Variants in CACNA1C observed in about 807,000 individuals in gnomAD.
The protein encoded by CACNA1C is calcium voltage-gated channel subunit alpha1 C.
CACNA1C carries 30 observed loss-of-function variants against 229.0 expected under a neutral mutation model. The observed-to-expected ratio is 0.13, with a 90% confidence interval of 0.10 to 0.18. The LOEUF is 0.18. CACNA1C is among the 10% of genes least tolerant of loss of function. The pLI, the probability that CACNA1C is intolerant of heterozygous loss-of-function variation, is 1.00. For missense variants in CACNA1C, 1,658 were observed against 2,845.0 expected (o/e 0.58, Z 9.49); for synonymous variants, 1,114 against 1,132.5 (o/e 0.98, Z 0.33).
intron 3 of CACNA1C, among the ~76,000 whole-genome samples, chr12:2,423,965 A>G (rs2099003652): frequency 6.6e-6 from 1 of 152,060 alleles, no homozygotes; most frequent in South Asian, 2.1e-4. Flanking sequence ...GGCTGAATGG[A>G]CAAGCTCGTG....
intron 3 of CACNA1C, among the ~76,000 whole-genome samples, chr12:2,419,410 C>T (rs1376140805): frequency 2.6e-5 from 4 of 152,162 alleles, no homozygotes; most frequent in African/African-American, 4.8e-5. Context: ...ATGAGGGATC[C>T]ACCGCCACGG....
At chr12:2,353,162 G>A (rs1366004001) in intron 3 of CACNA1C, among the ~76,000 whole-genome samples, 1 of 152,190 alleles carries the variant, frequency 6.6e-6, no homozygotes, top group Non-Finnish European at 1.5e-5. Flanking sequence ...ACTCTGGTTG[G>A]GATGCTGGGG....
chr12:2,359,282 G>A (rs1404674305), intron 3 of CACNA1C, among the ~76,000 whole-genome samples: 3 of 152,172 alleles, frequency 2.0e-5, no homozygotes, highest in Non-Finnish European at 4.4e-5. Context: ...TGAATGGAGG[G>A]AAAGCTAAGC....
At chr12:2,545,924 G>A (rs527385460) in intron 9 of CACNA1C, among the ~76,000 whole-genome samples, 16 of 152,370 alleles carry the variant, frequency 1.1e-4, no homozygotes, top group Admixed American at 3.9e-4. Flanking sequence ...ATAACTTCCC[G>A]TTCCCCATGC....
intron 3 of CACNA1C, among the ~76,000 whole-genome samples, chr12:2,206,557 C>T (rs2154331425): frequency 6.6e-6 from 1 of 152,344 alleles, no homozygotes; most frequent in East Asian, 1.9e-4. Flanking sequence ...TTTGAGTTGT[C>T]ATGAATATTC....
intron 43 of CACNA1C, 96 bp downstream of exon 43, chr12:2,682,774 T>C: frequency 8.3e-7 from 1 of 1,205,558 alleles, no homozygotes; most frequent in Non-Finnish European, 1.1e-6. Flanking sequence ...CTGGGGCTGA[T>C]TGCAGGAGGA....
At chr12:2,116,393 A>AC (rs1263206295) in intron 2 of CACNA1C, among the ~76,000 whole-genome samples, 1 of 144,252 alleles carries the variant, frequency 6.9e-6, no homozygotes, top group African/African-American at 2.6e-5. Flanking sequence ...TTTTTTTGAG[A>AC]CGGAGTCTCG....
rs2093938319 is a variant in CACNA1C at position 2,295,345 on chromosome 12, A to G, written c.478-153631A>G. ...ATGCCCCTCCCTCTTTTGTCTTTCA[A>G]GGTTTCATTCAAACCAAACTTCCTT... On this transcript the variant is annotated intron_variant, in intron 3 of 46. Transcript: ENST00000399655. 2.0e-5 allele frequency among the ~76,000 whole-genome samples: 3 copies of G among 152,128 alleles called. No homozygotes were observed. In the South Asian group the frequency reaches 6.2e-4, roughly 32 times the overall value.
At chr12:2,510,001 A>T (rs2099780083) in intron 8 of CACNA1C, among the ~76,000 whole-genome samples, 1 of 152,210 alleles carries the variant, frequency 6.6e-6, no homozygotes. Context: ...AGCACACCTC[A>T]GGCTATTGGT....
chr12:2,513,979 T>C (rs2239103), intron 9 of CACNA1C, among the ~76,000 whole-genome samples: 29,516 of 152,222 alleles, frequency 0.19, 4,064 homozygotes, highest in African/African-American at 0.38. Flanking sequence ...TTTCTGTGTG[T>C]GATATCTTTC....
chr12:2,198,636 T>G (rs2097491695), intron 3 of CACNA1C, among the ~76,000 whole-genome samples: 1 of 152,134 alleles, frequency 6.6e-6, no homozygotes. Flanking sequence ...TTCTTTTTAT[T>G]TTCTTCTCTG....
intron 3 of CACNA1C, among the ~76,000 whole-genome samples, chr12:2,420,145 G>GTGTGTGTGTGTGTC (rs1260767453): frequency 3.3e-5 from 5 of 150,182 alleles, no homozygotes; most frequent in African/African-American, 9.9e-5. Flanking sequence ...GTGTGTGTGT[G>GTGTGTGTGTGTGTC]TGTAGGGGGA....
chr12:2,003,286 A>G (rs1295490408), intron 1 of CACNA1C, among the ~76,000 whole-genome samples: 1 of 152,212 alleles, frequency 6.6e-6, no homozygotes, highest in African/African-American at 2.4e-5. Flanking sequence ...GTTTTCCTAG[A>G]TTAAGTTTTG....
At chr12:2,274,435 A>G (rs2086735050) in intron 3 of CACNA1C, among the ~76,000 whole-genome samples, 1 of 152,220 alleles carries the variant, frequency 6.6e-6, no homozygotes, top group Admixed American at 6.5e-5. Context: ...ACACTTCATC[A>G]ACCAGGAAGG....
chr12:2,431,983 C>T lies in CACNA1C; in HGVS notation c.478-16993C>T, dbSNP rs377311426. ...CTGCCAAGGTCACCAGAGGATAAGG[C>T]CGTGAATCACTTTTCCCACAACTTC... is the stretch of plus-strand genomic sequence containing the variant. On this transcript the variant is annotated intron_variant, in intron 3 of 46. Transcript: ENST00000399655. 2.8e-4 allele frequency among the ~76,000 whole-genome samples: 42 copies of T among 152,312 alleles called. No individual in the cohort carries two copies. In the South Asian group the frequency reaches 8.7e-3, roughly 32 times the overall value.
intron 38 of CACNA1C, among the ~76,000 whole-genome samples, chr12:2,671,056 C>G (rs1036494693): frequency 2.6e-5 from 4 of 151,378 alleles, no homozygotes; most frequent in African/African-American, 9.7e-5. Flanking sequence ...CGCTCTGTCG[C>G]CAGGCTGGAG....
intron 1 of CACNA1C, among the ~76,000 whole-genome samples, chr12:2,036,427 G>C (rs2049150207): frequency 1.3e-5 from 2 of 152,156 alleles, no homozygotes; most frequent in South Asian, 4.1e-4. Context: ...TGAACACCCA[G>C]CAGAGGGCAG....
intron 1 of CACNA1C, chr12:2,020,414 C>A (rs1025486412): frequency 1.3e-5 from 2 of 152,086 alleles, no homozygotes; most frequent in Admixed American, 1.3e-4. Context: ...TGCCTTGCAC[C>A]CTTAGCTCTG....
rs2099767878 is a variant in CACNA1C, at chr12:2,504,730, A to G, written c.1114-112A>G. On this transcript the variant is annotated intron_variant, in intron 7 of 46. Coordinates refer to ENST00000399655, the MANE Select transcript of CACNA1C (RefSeq NM_000719.7). This position sits in a 1 kb window ranked among gnomAD's most constrained non-coding sequence, Gnocchi z 6.8. ...TGTTTGGCCTCTGATTTGCACCTAGAGGGTCCCCGGATCCTGGCGCTGCGT... is the reference window on the plus strand; with the variant it reads ...TGTTTGGCCTCTGATTTGCACCTAGGGGGTCCCCGGATCCTGGCGCTGCGT... The G allele has an allele frequency of 5.2e-6, 4 of 775,248 alleles. No individual in the cohort carries two copies. The South Asian group carries it at 5.9e-5, about 11-fold the overall frequency. 48.0% of individuals were successfully genotyped at this position (775,248 alleles called of 1,614,324 possible).
Sources: allele counts gnomAD v4.1 joint callset (sites outside exome capture counted in the v4.1 genomes callset), GRCh38; gene constraint gnomAD v4.1.1; non-coding constraint Gnocchi (gnomAD v3.1); transcripts MANE v1.5; gene names NCBI Gene and HGNC (gene_info 2026-07-23, HGNC 2026-07-21).